The following TUSC3 variants were observed in gnomAD, a reference collection of about 807,000 sequenced individuals.
TUSC3 encodes the protein dolichyl-diphosphooligosaccharide--protein glycosyltransferase subunit TUSC3.
In TUSC3, 45 loss-of-function variants were observed where a neutral mutation model predicts 44.8. That is an observed-to-expected ratio of 1.00 (90% CI 0.79 to 1.29). The LOEUF (loss-of-function observed/expected upper bound fraction) is 1.29. TUSC3 is among the 50% of genes most tolerant of loss of function. TUSC3 has a pLI of 0.00. For synonymous variants in TUSC3, 212 were observed against 152.9 expected (o/e 1.39, Z -2.85); for missense variants, 519 against 437.9 (o/e 1.19, Z -1.65).
chr8:15,641,285 A>G (rs373358004), intron 2 of TUSC3, among the ~76,000 whole-genome samples: 1 of 145,852 alleles, frequency 6.9e-6, no homozygotes, highest in Non-Finnish European at 1.5e-5. Flanking sequence ...CACTTGAACC[A>G]GGGAGGTGGA....
At chr8:15,633,138 A>T (rs1805894992) in intron 2 of TUSC3, among the ~76,000 whole-genome samples, 1 of 152,096 alleles carries the variant, frequency 6.6e-6, no homozygotes, top group Non-Finnish European at 1.5e-5. Flanking sequence ...TAAAATTATG[A>T]CTTCAGTTAG....
chr8:15,732,601 A>C (rs1199359088), intron 7 of TUSC3, among the ~76,000 whole-genome samples: 1 of 152,176 alleles, frequency 6.6e-6, no homozygotes, highest in Non-Finnish European at 1.5e-5. Flanking sequence ...ATTTATCAAA[A>C]TTCTAAAACT....
chr8:15,836,981 T>A, the TUSC3 span, among the ~76,000 whole-genome samples: 2 of 151,676 alleles, frequency 1.3e-5, no homozygotes, highest in African/African-American at 2.4e-5. Context: ...AATTTAATAA[T>A]AACTAGTTTT....
At chr8:15,825,616 T>TTA in the TUSC3 span, among the ~76,000 whole-genome samples, 6 of 152,126 alleles carry the variant, frequency 3.9e-5, no homozygotes, top group African/African-American at 1.4e-4. Context: ...TAAGACTCTA[T>TTA]TAAAGACACT....
At chr8:15,437,444 G>T (rs1321022135) in intron 1 of TUSC3, among the ~76,000 whole-genome samples, 1 of 152,096 alleles carries the variant, frequency 6.6e-6, no homozygotes, top group East Asian at 1.9e-4. Flanking sequence ...ATTTTATTCT[G>T]TGGCTGTTAT....
Position 15,689,821 on chromosome 8 carries a change from G to GGTGTGTGTGT in TUSC3, c.798+16018_798+16027dup, listed in dbSNP as rs71543657. 1.4e-3 allele frequency among the ~76,000 whole-genome samples: 182 copies of GGTGTGTGTGT among 131,046 alleles called. 1 individual carries two copies. Among genetic ancestry groups the GGTGTGTGTGT allele is most frequent in the Middle Eastern group, 4.1e-3 (1 of 246 alleles). The allele number at this position is 131,046 out of a possible 152,430, so 86.0% of individuals were successfully genotyped here. ...TTTTTATGGCTGCTTAATAGTCCAT[G>GGTGTGTGTGT]GTGTGTGTGTGTGTGTGTGTGTGTG... On this transcript the variant is annotated intron_variant, in intron 6 of 10. Transcript: ENST00000503731.
intron 1 of TUSC3, among the ~76,000 whole-genome samples, chr8:15,582,041 C>T (rs991036410): frequency 1.3e-5 from 2 of 152,180 alleles, no homozygotes; most frequent in African/African-American, 4.8e-5. Flanking sequence ...GTCTGAAAAG[C>T]GCAATATTCG....
At chr8:15,458,566 G>T (rs554850519) in intron 1 of TUSC3, among the ~76,000 whole-genome samples, 1 of 152,228 alleles carries the variant, frequency 6.6e-6, no homozygotes, top group African/African-American at 2.4e-5. Flanking sequence ...TATAAAAAAC[G>T]TGTTAAATAA....
the TUSC3 span, among the ~76,000 whole-genome samples, chr8:15,802,653 C>G: frequency 1.4e-5 from 2 of 146,622 alleles, no homozygotes; most frequent in Non-Finnish European, 3.0e-5. Context: ...AATAAGCAAA[C>G]ACAGGATTAA....
chr8:15,658,008 T>G (rs1807251582), intron 3 of TUSC3, among the ~76,000 whole-genome samples: 1 of 152,156 alleles, frequency 6.6e-6, no homozygotes, highest in Non-Finnish European at 1.5e-5. Context: ...ATAATAGCAC[T>G]CATCCCACCC....
At chr8:15,773,396 C>A in the TUSC3 span, among the ~76,000 whole-genome samples, 3 of 151,860 alleles carry the variant, frequency 2.0e-5, no homozygotes, top group Non-Finnish European at 4.4e-5. Context: ...TACTTTTGGA[C>A]AGATTTAACC....
At chr8:15,461,160 G>C (rs1800339381) in intron 1 of TUSC3, among the ~76,000 whole-genome samples, 1 of 152,166 alleles carries the variant, frequency 6.6e-6, no homozygotes, top group Non-Finnish European at 1.5e-5. Flanking sequence ...CCATCCGTGA[G>C]CATGGGATGT....
At chr8:15,817,771 C>T in the TUSC3 span, among the ~76,000 whole-genome samples, 2 of 152,084 alleles carry the variant, frequency 1.3e-5, no homozygotes, top group Non-Finnish European at 2.9e-5. Context: ...TCTTTATTAG[C>T]AGTGTGACAG....
intron 6 of TUSC3, among the ~76,000 whole-genome samples, chr8:15,709,326 C>T (rs1809746701): frequency 6.6e-6 from 1 of 151,864 alleles, no homozygotes; most frequent in Non-Finnish European, 1.5e-5. Context: ...GGAGGAATGC[C>T]AATCTGAAAG....
At chr8:15,664,961 G>T (rs1807592437) in intron 5 of TUSC3, among the ~76,000 whole-genome samples, 1 of 151,202 alleles carries the variant, frequency 6.6e-6, no homozygotes, top group African/African-American at 2.4e-5. Context: ...TTGAAAAACT[G>T]AATTTGTTCA....
intron 1 of TUSC3, among the ~76,000 whole-genome samples, chr8:15,608,616 T>G (rs1804629749): frequency 6.6e-6 from 1 of 152,042 alleles, no homozygotes; most frequent in African/African-American, 2.4e-5. Context: ...ATTATGGGGG[T>G]GGTTTCCCCC....
At chr8:15,603,166 CT>C (rs1415767047) in intron 1 of TUSC3, among the ~76,000 whole-genome samples, 1 of 151,470 alleles carries the variant, frequency 6.6e-6, no homozygotes, top group East Asian at 1.9e-4. Context: ...CACTAAAGAA[CT>C]ACTACAAATT....
At chr8:15,590,339 C>A (rs1371033750) in intron 1 of TUSC3, among the ~76,000 whole-genome samples, 1 of 152,066 alleles carries the variant, frequency 6.6e-6, no homozygotes, top group Admixed American at 6.5e-5. Context: ...ATGGCAAAGT[C>A]AAACCCAGGC....
the TUSC3 span, among the ~76,000 whole-genome samples, chr8:15,776,921 CAT>C: frequency 8.4e-6 from 1 of 118,790 alleles, no homozygotes; most frequent in Admixed American, 9.7e-5. Context: ...GTAACACTGT[CAT>C]GTGTTCATTC....
Sources: gnomAD v4.1 joint callset for allele counts (sites outside exome capture counted in the v4.1 genomes callset) on GRCh38, gnomAD v4.1.1 for gene constraint, MANE v1.5 for transcripts, NCBI Gene and HGNC (gene_info 2026-07-23, HGNC 2026-07-21) for gene names.